BTBD9: variants seen among roughly 807,000 people sequenced by gnomAD.
The protein encoded by BTBD9 is BTB domain containing 9.
BTBD9 carries 49 observed loss-of-function variants against 64.3 expected under a neutral mutation model. That is an observed-to-expected ratio of 0.76 (90% CI 0.61 to 0.97). The LOEUF is 0.97. BTBD9 is among the 50% of genes least tolerant of loss of function. BTBD9 has a pLI of 0.00. For synonymous variants in BTBD9, 260 were observed against 274.7 expected (o/e 0.95, Z 0.53); for missense variants, 598 against 762.1 (o/e 0.78, Z 2.53).
At chr6:38,345,969 G>T (rs1457642264) in intron 6 of BTBD9, among the ~76,000 whole-genome samples, 1 of 152,160 alleles carries the variant, frequency 6.6e-6, no homozygotes, top group East Asian at 1.9e-4. Context: ...TTCCATGAGG[G>T]ATGTGCCACA....
At chr6:38,264,156 G>A (rs539057514) in intron 8 of BTBD9, among the ~76,000 whole-genome samples, 1 of 152,316 alleles carries the variant, frequency 6.6e-6, no homozygotes, top group African/African-American at 2.4e-5. Flanking sequence ...GAGCTGCAGG[G>A]AGAGAGCCTT....
intron 1 of BTBD9, among the ~76,000 whole-genome samples, chr6:38,630,202 A>G (rs77753078): frequency 2.0e-5 from 3 of 147,364 alleles, no homozygotes; most frequent in African/African-American, 7.4e-5. Context: ...TTCCGTCTCA[A>G]AAAAAAAAAA....
intron 6 of BTBD9, among the ~76,000 whole-genome samples, chr6:38,555,421 G>A (rs915985176): frequency 2.0e-5 from 3 of 152,160 alleles, no homozygotes; most frequent in Non-Finnish European, 4.4e-5. Flanking sequence ...AAATTCCATA[G>A]TGAATGTGGA....
At chr6:38,487,931 T>C (rs1162485119) in intron 6 of BTBD9, among the ~76,000 whole-genome samples, 1 of 152,198 alleles carries the variant, frequency 6.6e-6, no homozygotes. Context: ...CCAAAAACAT[T>C]TGTTGACCTC....
chr6:38,269,971 C>G (rs945089595), intron 8 of BTBD9, among the ~76,000 whole-genome samples: 1 of 152,156 alleles, frequency 6.6e-6, no homozygotes, highest in Non-Finnish European at 1.5e-5. Flanking sequence ...GTACAGAAAC[C>G]AGGCTTTCCG....
intron 6 of BTBD9, among the ~76,000 whole-genome samples, chr6:38,439,441 G>A (rs535058098): frequency 1.3e-5 from 2 of 150,830 alleles, no homozygotes; most frequent in South Asian, 4.2e-4. Context: ...TTTTTTGTTT[G>A]TTTTTGACAG....
intron 4 of BTBD9, among the ~76,000 whole-genome samples, chr6:38,586,474 A>G (rs148819588): frequency 2.6e-5 from 4 of 152,188 alleles, no homozygotes; most frequent in African/African-American, 9.6e-5. Context: ...CAGCTCTAAG[A>G]ATTAAACTTT....
At chr6:38,407,647 T>C (rs578261476) in intron 6 of BTBD9, among the ~76,000 whole-genome samples, 7 of 152,176 alleles carry the variant, frequency 4.6e-5, no homozygotes, top group African/African-American at 1.7e-4. Context: ...TTGGGTAAAG[T>C]TAAATGTGGG....
At chr6:38,546,605 T>C (rs942929411) in intron 6 of BTBD9, among the ~76,000 whole-genome samples, 3 of 152,248 alleles carry the variant, frequency 2.0e-5, no homozygotes, top group African/African-American at 7.2e-5. Context: ...CACGTTTCAG[T>C]AACTCTTGCA....
chr6:38,393,943 G>C (rs1766548434), intron 6 of BTBD9, among the ~76,000 whole-genome samples: 1 of 152,126 alleles, frequency 6.6e-6, no homozygotes, highest in Admixed American at 6.5e-5. Context: ...TAATATCCTG[G>C]GGATACAAAA....
intron 9 of BTBD9, among the ~76,000 whole-genome samples, chr6:38,234,850 C>T (rs553105355): frequency 1.7e-4 from 26 of 152,354 alleles, no homozygotes; most frequent in Middle Eastern, 6.8e-3. Flanking sequence ...CCATATTTCA[C>T]ACTTTTCTTG....
intron 6 of BTBD9, among the ~76,000 whole-genome samples, chr6:38,519,250 C>T (rs12525647): frequency 0.19 from 28,214 of 152,106 alleles, 2,662 homozygotes; most frequent in East Asian, 0.27. Context: ...CATAAGGGCT[C>T]ATAAGGATTT....
intron 9 of BTBD9, among the ~76,000 whole-genome samples, chr6:38,227,299 C>T (rs1347998466): frequency 1.3e-5 from 2 of 152,184 alleles, no homozygotes; most frequent in African/African-American, 2.4e-5. Flanking sequence ...ATTAGTGCTG[C>T]CACTTGGTTT....
chr6:38,298,377 G>A (rs1762239850), intron 7 of BTBD9, among the ~76,000 whole-genome samples: 1 of 151,940 alleles, frequency 6.6e-6, no homozygotes, highest in African/African-American at 2.4e-5. Context: ...ATTAAAAATA[G>A]TTTTGACACA....
At chr6:38,277,845 G>A (rs1761338755) in intron 8 of BTBD9, among the ~76,000 whole-genome samples, 1 of 152,130 alleles carries the variant, frequency 6.6e-6, no homozygotes, top group Non-Finnish European at 1.5e-5. Flanking sequence ...CAGAACACAT[G>A]AAATATGGAG....
At chr6:38,320,485 A>G (rs975283601) in intron 7 of BTBD9, among the ~76,000 whole-genome samples, 1 of 152,136 alleles carries the variant, frequency 6.6e-6, no homozygotes, top group Non-Finnish European at 1.5e-5. Context: ...GCGGGAGGAA[A>G]ACAGCTGCTC....
intron 6 of BTBD9, among the ~76,000 whole-genome samples, chr6:38,377,786 CAT>C (rs1765752340): frequency 6.6e-6 from 1 of 152,144 alleles, no homozygotes; most frequent in African/African-American, 2.4e-5. Flanking sequence ...TAATTTTCCA[CAT>C]AGTATTTTTT....
At chr6:38,222,057 G>C (rs972756917) in intron 9 of BTBD9, among the ~76,000 whole-genome samples, 1 of 152,002 alleles carries the variant, frequency 6.6e-6, no homozygotes, top group Non-Finnish European at 1.5e-5. Flanking sequence ...TATCCCTACA[G>C]GGTAGGGAGG....
chr6:38,268,353 T>C (rs903391338), intron 8 of BTBD9, among the ~76,000 whole-genome samples: 3 of 152,142 alleles, frequency 2.0e-5, no homozygotes, highest in Admixed American at 6.5e-5. Flanking sequence ...CCTGTTCCCT[T>C]GGATCAAGTT....
Sources: gnomAD v4.1 joint callset for allele counts (sites outside exome capture counted in the v4.1 genomes callset) on GRCh38, gnomAD v4.1.1 for gene constraint, MANE v1.5 for transcripts, NCBI Gene and HGNC (gene_info 2026-07-23, HGNC 2026-07-21) for gene names.